Variants in PDE1C observed in about 807,000 individuals in gnomAD.
PDE1C encodes phosphodiesterase 1C.
In PDE1C, 62 loss-of-function variants were observed where a neutral mutation model predicts 93.1. The ratio of observed to expected loss-of-function variants is 0.67; its 90% CI spans 0.54 to 0.82. The LOEUF (loss-of-function observed/expected upper bound fraction) is 0.82, where lower values mean the gene tolerates loss of function less well. Ranked by LOEUF, PDE1C falls within the 40% of genes least tolerant of loss-of-function variation. PDE1C has a pLI of 0.00. For missense variants in PDE1C, 742 were observed against 884.6 expected, an observed-to-expected ratio of 0.84 and a Z score of 2.04; for synonymous variants, 325 against 310.1, an observed-to-expected ratio of 1.05 and a Z score of -0.50.
At chr7:32,005,441 A>G (rs1442358583) in intron 2 of PDE1C, among the ~76,000 whole-genome samples, 1 of 151,190 alleles carries the variant, frequency 6.6e-6, no homozygotes, top group Non-Finnish European at 1.5e-5. Flanking sequence ...CTGTAGTCCC[A>G]GCTACTCAGG....
At chr7:31,804,740 C>T (rs1047336272) in intron 16 of PDE1C, among the ~76,000 whole-genome samples, 1 of 151,782 alleles carries the variant, frequency 6.6e-6, no homozygotes, top group Non-Finnish European at 1.5e-5. Flanking sequence ...GCTTTGGAAC[C>T]ATTGTTAAGT....
intron 1 of PDE1C, among the ~76,000 whole-genome samples, chr7:32,370,639 G>C (rs1784313331): frequency 6.6e-6 from 1 of 151,784 alleles, no homozygotes; most frequent in Non-Finnish European, 1.5e-5. Context: ...GCCTGTCATG[G>C]GGTGGGGGGA....
rs770773592 is a variant in PDE1C at position 31,837,177 on chromosome 7, T to C, written c.1203+3A>G. 26 of 1,612,026 alleles carry C rather than the reference T, an allele frequency of 1.6e-5. No homozygotes were observed. Among genetic ancestry groups the C allele is most frequent in the Non-Finnish European group, 2.0e-5 (24 of 1,179,224 alleles). On this transcript the variant is annotated splice_donor_region_variant and intron_variant, in intron 11 of 17. Coordinates refer to ENST00000396191, the MANE Select transcript of PDE1C (RefSeq NM_001191057.4). ...TCCTGATGGAGAGAGAGCAACAAGGTACCTGTCTGAAGAACTCCTCCAGGA... is the reference window on the plus strand; with the variant it reads ...TCCTGATGGAGAGAGAGCAACAAGGCACCTGTCTGAAGAACTCCTCCAGGA...
chr7:31,741,251 A>G, the PDE1C span, among the ~76,000 whole-genome samples: 1 of 152,004 alleles, frequency 6.6e-6, no homozygotes, highest in African/African-American at 2.4e-5. Context: ...AGAAATTTGG[A>G]AAGTCTACAT....
intron 14 of PDE1C, among the ~76,000 whole-genome samples, chr7:31,820,094 C>T (rs934436837): frequency 6.6e-6 from 1 of 152,048 alleles, no homozygotes; most frequent in African/African-American, 2.4e-5. Flanking sequence ...GTAAACGAAT[C>T]ATATACTGTA....
Position 32,344,261 on chromosome 7 carries a change from G to A in PDE1C, c.310+83561C>T, listed in dbSNP as rs1225047913. Among the ~76,000 whole-genome samples the A allele has an allele frequency of 2.0e-5, 3 of 151,930 alleles. No individual in the cohort carries two copies. The East Asian group carries it at 5.8e-4, about 29-fold the overall frequency. Reference sequence around the variant, plus strand: ...GCTAATTTTTTCATTCTTTTGTAGAGAGGGAGGTTTCACTATGCTGTCCAG... The same window carrying A: ...GCTAATTTTTTCATTCTTTTGTAGAAAGGGAGGTTTCACTATGCTGTCCAG... On this transcript the variant is annotated intron_variant, in intron 1 of 1. Coordinates refer to the PDE1C transcript ENST00000672256.
intron 7 of PDE1C, among the ~76,000 whole-genome samples, chr7:31,858,732 ATAAC>A (rs1176771001): frequency 2.0e-5 from 3 of 152,184 alleles, no homozygotes; most frequent in East Asian, 1.9e-4. Flanking sequence ...AGTAATAATA[ATAAC>A]TATCATTTAC....
chr7:31,745,516 T>C, the PDE1C span, among the ~76,000 whole-genome samples: 1 of 152,130 alleles, frequency 6.6e-6, no homozygotes, highest in Non-Finnish European at 1.5e-5. Context: ...ATAAGTAAAA[T>C]GAGCATGATG....
chr7:31,929,803 T>C (rs577653321), intron 2 of PDE1C, among the ~76,000 whole-genome samples: 1 of 152,330 alleles, frequency 6.6e-6, no homozygotes, highest in Non-Finnish European at 1.5e-5. Context: ...GAGGAAAATT[T>C]ATAGCACTAA....
chr7:31,741,325 T>C, the PDE1C span, among the ~76,000 whole-genome samples: 2 of 152,186 alleles, frequency 1.3e-5, no homozygotes, highest in African/African-American at 4.8e-5. Context: ...AGTTTCATAA[T>C]ATATACCTTA....
chr7:32,232,824 G>A (rs1585002090), intron 1 of PDE1C, among the ~76,000 whole-genome samples: 2 of 152,266 alleles, frequency 1.3e-5, no homozygotes, highest in Non-Finnish European at 2.9e-5. Context: ...AAAGGGCTTT[G>A]AAAACAAATT....
chr7:31,655,734 C>T, the PDE1C span: 1 of 985,800 alleles, frequency 1.0e-6, no homozygotes, highest in Non-Finnish European at 1.2e-6. Flanking sequence ...ATTTGTGCCT[C>T]CAAATCGTTT....
At chr7:32,281,076 A>G (rs1230947787) in intron 1 of PDE1C, among the ~76,000 whole-genome samples, 1 of 152,206 alleles carries the variant, frequency 6.6e-6, no homozygotes, top group African/African-American at 2.4e-5. Context: ...AATATTTTAA[A>G]TCAGTGCAGA....
At chr7:32,065,748 G>A (rs1479640676) in intron 1 of PDE1C, among the ~76,000 whole-genome samples, 1 of 152,194 alleles carries the variant, frequency 6.6e-6, no homozygotes, top group Non-Finnish European at 1.5e-5. Flanking sequence ...TAAAACCAAA[G>A]GTCCAGGCTT....
At chr7:31,683,033 T>C in the PDE1C span, among the ~76,000 whole-genome samples, 3 of 152,192 alleles carry the variant, frequency 2.0e-5, no homozygotes, top group African/African-American at 7.2e-5. Context: ...ACAGGAGAGA[T>C]CTCTGTGGTG....
chr7:31,740,588 C>T, the PDE1C span, among the ~76,000 whole-genome samples: 2 of 152,112 alleles, frequency 1.3e-5, no homozygotes, highest in Non-Finnish European at 2.9e-5. Context: ...GACACATTAC[C>T]CAAAGAGAGT....
At chr7:31,963,876 G>A (rs138050971) in intron 2 of PDE1C, among the ~76,000 whole-genome samples, 94 of 152,314 alleles carry the variant, frequency 6.2e-4, no homozygotes, top group African/African-American at 2.0e-3. Context: ...GAGGCTGGGA[G>A]TCAATGTATG....
At chr7:31,945,431 A>C (rs1240523692) in intron 2 of PDE1C, among the ~76,000 whole-genome samples, 1 of 152,134 alleles carries the variant, frequency 6.6e-6, no homozygotes, top group Non-Finnish European at 1.5e-5. Flanking sequence ...GGATTCCCTC[A>C]GTTTTTCTTT....
At chr7:31,725,738 T>C in the PDE1C span, among the ~76,000 whole-genome samples, 1 of 152,206 alleles carries the variant, frequency 6.6e-6, no homozygotes, top group Non-Finnish European at 1.5e-5. Flanking sequence ...TTTTCTCATA[T>C]TACTTCTTAC....
Sources: gnomAD v4.1 joint callset for allele counts (sites outside exome capture counted in the v4.1 genomes callset) on GRCh38, gnomAD v4.1.1 for gene constraint, MANE v1.5 for transcripts, NCBI Gene and HGNC (gene_info 2026-07-23, HGNC 2026-07-21) for gene names.